MGST1: variants seen among roughly 807,000 people sequenced by gnomAD.
MGST1 encodes microsomal glutathione S-transferase 1, also known as glutathione S-transferase 12.
Under a neutral mutation model 8.9 loss-of-function variants are expected in MGST1, and 5 were observed. The ratio of observed to expected loss-of-function variants is 0.56; its 90% CI spans 0.29 to 1.19. The LOEUF (loss-of-function observed/expected upper bound fraction) is 1.19. Ranked by LOEUF, MGST1 falls within the 50% of genes most tolerant of loss-of-function variation. The pLI is 0.08. For missense variants in MGST1, 182 were observed against 187.4 expected (o/e 0.97, Z 0.17); for synonymous variants, 54 against 67.8 (o/e 0.80, Z 1.00).
At chr12:16,388,099 T>C (rs73064194) in intron 1 of MGST1, among the ~76,000 whole-genome samples, 70,707 of 151,386 alleles carry the variant, frequency 0.47, 16,799 homozygotes, top group East Asian at 0.73. Flanking sequence ...TGACTGTATA[T>C]AGACATATTA....
intron 1 of MGST1, among the ~76,000 whole-genome samples, chr12:16,385,920 A>C (rs1940500566): frequency 6.6e-6 from 1 of 152,132 alleles, no homozygotes; most frequent in African/African-American, 2.4e-5. Context: ...GTATTGAAGT[A>C]ATTGCCCATA....
chr12:16,556,434 C>G (rs998539933), intron 4 of MGST1, among the ~76,000 whole-genome samples: 5 of 152,162 alleles, frequency 3.3e-5, no homozygotes, highest in African/African-American at 1.2e-4. Flanking sequence ...AAGGGACAAT[C>G]AATCCTGAAA....
At chr12:16,510,785 G>A (rs891552427) in intron 4 of MGST1, among the ~76,000 whole-genome samples, 4 of 152,168 alleles carry the variant, frequency 2.6e-5, no homozygotes, top group South Asian at 2.1e-4. Context: ...TTCCTGGTTC[G>A]AAGGATGACT....
At chr12:16,588,220 T>TGAA (rs1943381002) in intron 4 of MGST1, among the ~76,000 whole-genome samples, 1 of 151,932 alleles carries the variant, frequency 6.6e-6, no homozygotes, top group African/African-American at 2.4e-5. Flanking sequence ...TTAAAATGTA[T>TGAA]AATAAAGTAT....
chr12:16,479,766 C>G (rs976482540), intron 4 of MGST1, among the ~76,000 whole-genome samples: 3 of 151,196 alleles, frequency 2.0e-5, no homozygotes, highest in Non-Finnish European at 4.4e-5. Context: ...AAACACCGGG[C>G]CTCAAGCAAC....
rs1047908160 is a variant in MGST1 at position 16,369,448 on chromosome 12, G to A, written c.222-6674G>A. ...GGGTTCTCTAAGGAATCTGGAAATT[G>A]GCTGAAACTTGGCTGATTCAGAAAG... On this transcript the variant is annotated intron_variant, in intron 3 of 3. Transcript: ENST00000535309. This position sits in a 1 kb window ranked among gnomAD's most constrained non-coding sequence, Gnocchi z 4.8. 2.0e-5 allele frequency among the ~76,000 whole-genome samples: 3 copies of A among 152,042 alleles called. No individual in the cohort carries two copies. Among genetic ancestry groups the A allele is most frequent in the Non-Finnish European group, 4.4e-5 (3 of 68,002 alleles).
At chr12:16,423,424 C>T (rs2137085873) in intron 1 of MGST1, among the ~76,000 whole-genome samples, 1 of 151,822 alleles carries the variant, frequency 6.6e-6, no homozygotes, top group East Asian at 1.9e-4. Context: ...TGTCCCTAAC[C>T]TATGTACAAA....
intron 1 of MGST1, among the ~76,000 whole-genome samples, chr12:16,421,459 A>C (rs1940834881): frequency 6.6e-6 from 1 of 152,222 alleles, no homozygotes; most frequent in South Asian, 2.1e-4. Context: ...GAAATCACTA[A>C]TTCCCCAAAT....
At chr12:16,348,600 C>T (rs551577144) in intron 1 of MGST1, among the ~76,000 whole-genome samples, 2 of 152,104 alleles carry the variant, frequency 1.3e-5, no homozygotes, top group South Asian at 2.1e-4. Context: ...AGTGGGTGCC[C>T]GCAAGCATTG....
intron 4 of MGST1, among the ~76,000 whole-genome samples, chr12:16,460,071 A>G (rs2137123677): frequency 6.6e-6 from 1 of 152,282 alleles, no homozygotes; most frequent in East Asian, 1.9e-4. Context: ...TCTTATAGGA[A>G]TGACATTGGG....
chr12:16,429,205 T>A (rs149743234), intron 1 of MGST1, among the ~76,000 whole-genome samples: 16 of 152,280 alleles, frequency 1.1e-4, no homozygotes, highest in Admixed American at 2.6e-4. Flanking sequence ...CTTTTAGTTC[T>A]GTATATATCT....
At chr12:16,512,673 G>A (rs1188137372) in intron 4 of MGST1, among the ~76,000 whole-genome samples, 1 of 152,066 alleles carries the variant, frequency 6.6e-6, no homozygotes, top group African/African-American at 2.4e-5. Context: ...TTCAAGTCAG[G>A]TCCCCTAATA....
At chr12:16,542,684 T>C (rs1941799786) in intron 4 of MGST1, among the ~76,000 whole-genome samples, 1 of 152,194 alleles carries the variant, frequency 6.6e-6, no homozygotes, top group Admixed American at 6.5e-5. Context: ...CTTAACTCTT[T>C]CTTTGGTTTT....
intron 4 of MGST1, among the ~76,000 whole-genome samples, chr12:16,486,985 T>G (rs573019582): frequency 6.6e-6 from 1 of 152,248 alleles, no homozygotes; most frequent in African/African-American, 2.4e-5. Context: ...CATCCCTGAT[T>G]TCACCAGAGA....
chr12:16,564,755 G>C (rs1942531347), intron 4 of MGST1, among the ~76,000 whole-genome samples: 1 of 152,120 alleles, frequency 6.6e-6, no homozygotes, highest in Admixed American at 6.6e-5. Context: ...CAGTAGTCAA[G>C]CAATCCTCAT....
chr12:16,352,247 G>A (rs1178090231), intron 1 of MGST1, among the ~76,000 whole-genome samples: 1 of 152,192 alleles, frequency 6.6e-6, no homozygotes, highest in African/African-American at 2.4e-5. Context: ...AAGTATATAT[G>A]TATGTGGTTT....
intron 1 of MGST1, among the ~76,000 whole-genome samples, chr12:16,387,318 T>A (rs1329966258): frequency 6.6e-6 from 1 of 152,154 alleles, no homozygotes; most frequent in African/African-American, 2.4e-5. Context: ...CCTAGTGATG[T>A]CATAGCTGTC....
chr12:16,554,904 C>T (rs139607431), intron 4 of MGST1, among the ~76,000 whole-genome samples: 4 of 152,244 alleles, frequency 2.6e-5, no homozygotes, highest in African/African-American at 7.2e-5. Context: ...GTGATCCGCC[C>T]GCCCGCCTCG....
chr12:16,588,680 A>AT (rs762548631), intron 4 of MGST1, among the ~76,000 whole-genome samples: 5 of 152,046 alleles, frequency 3.3e-5, no homozygotes, highest in Non-Finnish European at 5.9e-5. Context: ...GTGTTGAGAT[A>AT]TTTTTTCCAT....
Sources: allele counts gnomAD v4.1 joint callset (sites outside exome capture counted in the v4.1 genomes callset), GRCh38; gene constraint gnomAD v4.1.1; non-coding constraint Gnocchi (gnomAD v3.1); transcripts MANE v1.5; gene names NCBI Gene and HGNC (gene_info 2026-07-23, HGNC 2026-07-21).